The following VPS54 variants were observed in gnomAD, a reference collection of about 807,000 sequenced individuals.
VPS54 encodes VPS54 subunit of GARP complex.
Under a neutral mutation model 121.5 loss-of-function variants are expected in VPS54, and 45 were observed. The ratio of observed to expected loss-of-function variants is 0.37; its 90% confidence interval spans 0.29 to 0.47. The LOEUF (loss-of-function observed/expected upper bound fraction) is 0.47, where lower values mean the gene tolerates loss of function less well. Ranked by LOEUF, VPS54 falls within the 20% of genes least tolerant of loss-of-function variation. The pLI is 0.99. For missense variants in VPS54, 1,090 were observed against 1,131.4 expected, an observed-to-expected ratio of 0.96 and a Z score of 0.52; for synonymous variants, 371 against 385.8, an observed-to-expected ratio of 0.96 and a Z score of 0.45.
chr2:64,008,801 GAC>G (rs200763389), intron 1 of VPS54, among the ~76,000 whole-genome samples: 4,713 of 152,216 alleles, frequency 0.031, 249 homozygotes, highest in African/African-American at 0.11. Flanking sequence ...GAAATGGAAA[GAC>G]AAGAAGAATT....
chr2:63,950,914 TCTC>T (rs1675211214), intron 7 of VPS54, among the ~76,000 whole-genome samples: 1 of 152,200 alleles, frequency 6.6e-6, no homozygotes, highest in Non-Finnish European at 1.5e-5. Context: ...AGAAGCTGCT[TCTC>T]CTATTATCAT....
intron 20 of VPS54, among the ~76,000 whole-genome samples, chr2:63,909,735 T>C (rs1673062840): frequency 6.7e-6 from 1 of 148,586 alleles, no homozygotes; most frequent in African/African-American, 2.5e-5. Flanking sequence ...GTTTTTTTTT[T>C]TTTTTTGAGA....
At position 64,000,448 on chromosome 2, in the gene VPS54, G is replaced by A. The variant is rs185572393; in HGVS notation, c.-20-16429C>T. Among the ~76,000 whole-genome samples the A allele has an allele frequency of 2.4e-4, 36 of 152,314 alleles. No individual in the cohort carries two copies. The South Asian group carries it at 3.1e-3, about 13-fold the overall frequency. On this transcript the variant is annotated intron_variant, in intron 1 of 22. Transcript: ENST00000272322. Reference sequence around the variant, plus strand: ...ATTTTCCTGGATGATGTAGATGGGTGTAGATGTTCTTCAGTGTCTGGACAT... The same window carrying A: ...ATTTTCCTGGATGATGTAGATGGGTATAGATGTTCTTCAGTGTCTGGACAT...
intron 1 of VPS54, among the ~76,000 whole-genome samples, chr2:63,997,543 C>T (rs1677656595): frequency 6.6e-6 from 1 of 151,862 alleles, no homozygotes; most frequent in African/African-American, 2.4e-5. Flanking sequence ...TCGGTTTTAG[C>T]ATCTCCTTTT....
chr2:63,931,544 T>C (rs1483964493), intron 12 of VPS54, among the ~76,000 whole-genome samples: 2 of 152,082 alleles, frequency 1.3e-5, no homozygotes, highest in South Asian at 2.1e-4. Context: ...CCTAGGACCA[T>C]AAAACTCCTA....
intron 1 of VPS54, among the ~76,000 whole-genome samples, chr2:63,989,522 A>G (rs1450073462): frequency 6.6e-6 from 1 of 152,176 alleles, no homozygotes; most frequent in Non-Finnish European, 1.5e-5. Flanking sequence ...CCACGTTGAA[A>G]TATCGGGAAC....
At position 64,012,915 on chromosome 2, in the gene VPS54, T is replaced by A. The variant is rs192632768; in HGVS notation, c.-21+6023A>T. ...TTCCGTGGCCTATATTCAGAATTTA[T>A]CTAACCTGACCTCAATGCCCTGAAA... is the stretch of plus-strand genomic sequence containing the variant. On this transcript the variant is annotated intron_variant, in intron 1 of 22. Transcript: ENST00000272322. Among the ~76,000 whole-genome samples, 16 of 152,282 alleles carry A rather than the reference T, an allele frequency of 1.1e-4. No individual in the cohort carries two copies. The East Asian group carries it at 2.7e-3, about 26-fold the overall frequency.
chr2:63,943,226 G>GA (rs768028732), intron 10 of VPS54, among the ~76,000 whole-genome samples: 1 of 152,040 alleles, frequency 6.6e-6, no homozygotes, highest in African/African-American at 2.4e-5. Context: ...ACTTCAAGGT[G>GA]AAAAAAAGTA....
At chr2:63,988,368 A>T (rs1677152784) in intron 1 of VPS54, among the ~76,000 whole-genome samples, 1 of 152,204 alleles carries the variant, frequency 6.6e-6, no homozygotes, top group Non-Finnish European at 1.5e-5. Context: ...CATGATGAAT[A>T]ATATTTTTAA....
chr2:63,912,607 G>A lies in VPS54; in HGVS notation c.2477C>T (p.Ala826Val), dbSNP rs758254696. 95 of 1,595,652 alleles carry A rather than the reference G, an allele frequency of 6.0e-5. No individual in the cohort carries two copies. The highest frequency in any genetic ancestry group is 8.1e-5 in the Non-Finnish European group (95 of 1,175,840). The change falls in exon 19 of 23, where the codon GCT becomes GTT. Residue 826 changes from alanine to valine, a missense_variant. By Grantham distance (64) the Ala-to-Val change is moderately conservative. Coordinates refer to ENST00000272322, the MANE Select transcript of VPS54 (RefSeq NM_016516.3). The stretch of plus-strand genomic sequence containing the variant: ...AGGTGGTAGTCGAGCTTCAAAATGA[G>A]CCCGGATCACAGGAATGTAGTGCAC... The part of the protein sequence containing the change: ...LIVHYIPVIR[A>V]HFEARLPPKQ...
Position 64,005,089 on chromosome 2 carries a change from C to CTTTTTTTTTTTTTTTTTTTTTTTTTTT in VPS54, c.-21+13822_-21+13848dup, listed in dbSNP as rs764515091. 9.1e-5 allele frequency among the ~76,000 whole-genome samples: 4 copies of CTTTTTTTTTTTTTTTTTTTTTTTTTTT among 44,104 alleles called. 1 individual carries two copies. Among genetic ancestry groups the CTTTTTTTTTTTTTTTTTTTTTTTTTTT allele is most frequent in the African/African-American group, 1.9e-4 (2 of 10,526 alleles). The allele number at this position is 44,104 out of a possible 152,430, so 28.9% of individuals were successfully genotyped here. ...TACCATGCCCAGTCTACTATTGCTTCTTTTTTTTTTTTTTTTTTTTTTTTT... is the reference window on the plus strand; with the variant it reads ...TACCATGCCCAGTCTACTATTGCTTCTTTTTTTTTTTTTTTTTTTTTTTTTTTTTTTTTTTTTTTTTTTTTTTTTTTT... On this transcript the variant is annotated intron_variant, in intron 1 of 22. Coordinates refer to ENST00000272322, the MANE Select transcript of VPS54 (RefSeq NM_016516.3).
intron 12 of VPS54, among the ~76,000 whole-genome samples, chr2:63,929,191 C>A (rs1674065836): frequency 6.6e-6 from 1 of 152,164 alleles, no homozygotes; most frequent in Non-Finnish European, 1.5e-5. Context: ...GAACTCTCCA[C>A]CCCAAATCAA....
At chr2:63,897,619 A>C in intron 21 of VPS54, 29 bp from the exon 22 acceptor site, 1 of 1,308,822 alleles carries the variant, frequency 7.6e-7, no homozygotes, top group Admixed American at 2.0e-5. Flanking sequence ...TAAGTTTCTT[A>C]AAGTTCTACT....
intron 1 of VPS54, among the ~76,000 whole-genome samples, chr2:63,989,630 C>T (rs765533462): frequency 2.0e-5 from 3 of 152,172 alleles, no homozygotes; most frequent in East Asian, 3.9e-4. Flanking sequence ...GAAATGTCAT[C>T]GGTTCGGTCC....
Position 63,931,119 on chromosome 2 carries a change from C to T in VPS54, c.1739+2554G>A, listed in dbSNP as rs547703959. ...GTAATTTATAGATTCAATGCCATCC[C>T]CATCAAGCTACCACTGACTTTCTTC... On this transcript the variant is annotated intron_variant, in intron 12 of 22. Coordinates refer to ENST00000272322, the MANE Select transcript of VPS54 (RefSeq NM_016516.3). 1.1e-4 allele frequency among the ~76,000 whole-genome samples: 17 copies of T among 152,278 alleles called. No individual in the cohort carries two copies. The South Asian group carries it at 1.2e-3, about 11-fold the overall frequency.
At chr2:63,949,001 A>G (rs781756315) in intron 8 of VPS54, 36 bp downstream of exon 8, 2 of 1,601,324 alleles carry the variant, frequency 1.2e-6, no homozygotes, top group African/African-American at 1.3e-5. Flanking sequence ...CTGTTAAGCA[A>G]TGGCATCAAC....
intron 9 of VPS54, among the ~76,000 whole-genome samples, chr2:63,944,932 G>A (rs1209333789): frequency 6.6e-6 from 1 of 152,178 alleles, no homozygotes; most frequent in Non-Finnish European, 1.5e-5. Context: ...CTTATACACT[G>A]CTGATGGGAG....
chr2:63,899,359 A>G (rs1672578703), intron 21 of VPS54, 115 bp downstream of exon 21: 2 of 836,866 alleles, frequency 2.4e-6, no homozygotes, highest in Non-Finnish European at 3.6e-6. Context: ...TAAAAAAATG[A>G]TAATCATATT....
chr2:63,953,700 T>C (rs540135759), intron 7 of VPS54, among the ~76,000 whole-genome samples: 3 of 152,088 alleles, frequency 2.0e-5, no homozygotes, highest in East Asian at 3.9e-4. Context: ...GACAGACAGA[T>C]AGATGGATGG....
Sources: gnomAD v4.1 joint callset for allele counts (sites outside exome capture counted in the v4.1 genomes callset) on GRCh38, gnomAD v4.1.1 for gene constraint, MANE v1.5 for transcripts, NCBI Gene and HGNC (gene_info 2026-07-23, HGNC 2026-07-21) for gene names.